Variants in NKAIN2 observed in about 807,000 individuals in gnomAD.
The protein encoded by NKAIN2 is sodium/potassium-transporting ATPase subunit beta-1-interacting protein 2.
A neutral mutation model predicts 32.6 loss-of-function variants in NKAIN2; 14 were observed. That is an observed-to-expected ratio of 0.43 (90% CI 0.28 to 0.67). The LOEUF is 0.67. Among genes scored for constraint, NKAIN2 ranks in the 30% least tolerant of loss-of-function variants. The pLI is 0.17. For synonymous variants in NKAIN2, 80 were observed against 87.2 expected, an observed-to-expected ratio of 0.92 and a Z score of 0.46; for missense variants, 198 against 258.3, an observed-to-expected ratio of 0.77 and a Z score of 1.60.
intron 1 of NKAIN2, among the ~76,000 whole-genome samples, chr6:123,884,828 A>G (rs781118519): frequency 3.3e-5 from 5 of 152,082 alleles, no homozygotes; most frequent in Non-Finnish European, 5.9e-5. Flanking sequence ...CTAGATTACT[A>G]TTTCAGCTGA....
intron 3 of NKAIN2, among the ~76,000 whole-genome samples, chr6:124,485,545 T>C (rs575942984): frequency 6.6e-6 from 1 of 152,238 alleles, no homozygotes; most frequent in African/African-American, 2.4e-5. Context: ...TGTTTTATTA[T>C]ATAAAATATA....
At chr6:124,004,037 A>G (rs1054731800) in intron 1 of NKAIN2, among the ~76,000 whole-genome samples, 1 of 152,214 alleles carries the variant, frequency 6.6e-6, no homozygotes, top group African/African-American at 2.4e-5. Flanking sequence ...ATTTGTCTGG[A>G]CTAAAATATC....
Position 124,712,466 on chromosome 6 carries a change from C to G in NKAIN2, c.474+54080C>G, listed in dbSNP as rs9491217. Among the ~76,000 whole-genome samples, 4 of 92,370 alleles carry G rather than the reference C, an allele frequency of 4.3e-5. 1 individual carries two copies. The highest frequency in any genetic ancestry group is 9.5e-5 in the African/African-American group (2 of 21,114). The allele number at this position is 92,370 out of a possible 152,430, so 60.6% of individuals were successfully genotyped here. A position where few individuals can be genotyped will look rare whatever the true frequency, so the allele number is the denominator to read the frequency against. On this transcript the variant is annotated intron_variant, in intron 4 of 6. Transcript: ENST00000368417. ...CTCAGACTGCTGTGCTAGCAATCAG[C>G]GAGACTCCGTGGGCGTAGGACCCTC...
chr6:124,067,524 T>C (rs1490300993), intron 1 of NKAIN2, among the ~76,000 whole-genome samples: 3 of 152,168 alleles, frequency 2.0e-5, no homozygotes, highest in South Asian at 2.1e-4. Context: ...AATTACCACA[T>C]TACAATAAGA....
chr6:124,358,618 G>A (rs528570540), intron 3 of NKAIN2, among the ~76,000 whole-genome samples: 14 of 151,922 alleles, frequency 9.2e-5, no homozygotes, highest in African/African-American at 2.7e-4. Flanking sequence ...CTTTTTGATG[G>A]GGTTGTTTTT....
At chr6:124,440,679 T>C (rs1402852441) in intron 3 of NKAIN2, among the ~76,000 whole-genome samples, 1 of 152,106 alleles carries the variant, frequency 6.6e-6, no homozygotes, top group Non-Finnish European at 1.5e-5. Context: ...CAATATCATT[T>C]AGCCCTTCCA....
At chr6:123,820,452 T>C (rs12207431) in intron 1 of NKAIN2, among the ~76,000 whole-genome samples, 11,830 of 152,300 alleles carry the variant, frequency 0.078, 784 homozygotes, top group African/African-American at 0.17. Context: ...GTATTATAAG[T>C]GGCCTTGATC....
intron 3 of NKAIN2, among the ~76,000 whole-genome samples, chr6:124,565,800 A>C (rs1780888725): frequency 6.6e-6 from 1 of 152,206 alleles, no homozygotes; most frequent in Non-Finnish European, 1.5e-5. Flanking sequence ...AGAAGCTTCG[A>C]TCCAAGGGAT....
At chr6:124,239,682 G>C (rs1792968476) in intron 1 of NKAIN2, among the ~76,000 whole-genome samples, 1 of 152,130 alleles carries the variant, frequency 6.6e-6, no homozygotes, top group Admixed American at 6.5e-5. Context: ...AAATAAAGAT[G>C]TTCTTTGAAA....
At chr6:124,761,211 C>A (rs1227121408) in intron 4 of NKAIN2, among the ~76,000 whole-genome samples, 1 of 152,140 alleles carries the variant, frequency 6.6e-6, no homozygotes, top group Non-Finnish European at 1.5e-5. Flanking sequence ...ATAGTATGTG[C>A]TATATTATCA....
intron 1 of NKAIN2, among the ~76,000 whole-genome samples, chr6:123,924,129 C>A (rs2114500409): frequency 6.6e-6 from 1 of 152,094 alleles, no homozygotes; most frequent in Non-Finnish European, 1.5e-5. Flanking sequence ...ATTTTCTATT[C>A]TTTTCAGTTG....
intron 1 of NKAIN2, among the ~76,000 whole-genome samples, chr6:124,101,354 T>A (rs138047964): frequency 1.3e-5 from 2 of 152,216 alleles, no homozygotes; most frequent in African/African-American, 4.8e-5. Context: ...TAGGCTGTAT[T>A]GGTCACCATT....
intron 3 of NKAIN2, among the ~76,000 whole-genome samples, chr6:124,626,209 T>C (rs1487527069): frequency 6.6e-6 from 1 of 151,160 alleles, no homozygotes; most frequent in South Asian, 2.1e-4. Flanking sequence ...AAGGAGGAAG[T>C]AATTGCCATG....
intron 1 of NKAIN2, among the ~76,000 whole-genome samples, chr6:124,223,132 C>T (rs778287487): frequency 1.4e-4 from 20 of 143,758 alleles, no homozygotes; most frequent in Non-Finnish European, 3.0e-4. Context: ...AGAATCATTT[C>T]GACCCGGGAG....
chr6:124,552,619 T>C (rs1005038825), intron 3 of NKAIN2, among the ~76,000 whole-genome samples: 1 of 152,224 alleles, frequency 6.6e-6, no homozygotes, highest in African/African-American at 2.4e-5. Context: ...ACACAGCTAG[T>C]GTAGCCAAGC....
intron 1 of NKAIN2, among the ~76,000 whole-genome samples, chr6:123,833,691 C>CTGTGTGTGTGTG (rs59906355): frequency 0.014 from 1,767 of 129,504 alleles, 32 homozygotes; most frequent in African/African-American, 0.036. Flanking sequence ...ATTTTTTTTC[C>CTGTGTGTGTGTG]TGTGTGTGTG....
intron 1 of NKAIN2, among the ~76,000 whole-genome samples, chr6:123,929,325 A>G (rs1482763962): frequency 2.6e-5 from 4 of 152,124 alleles, no homozygotes; most frequent in Admixed American, 2.6e-4. Context: ...GTCCTGGGAT[A>G]AATACTCAAC....
At chr6:124,164,003 C>T (rs1386273224) in intron 1 of NKAIN2, among the ~76,000 whole-genome samples, 2 of 151,888 alleles carry the variant, frequency 1.3e-5, no homozygotes, top group African/African-American at 2.4e-5. Flanking sequence ...TCCTTGACTG[C>T]TCAGTCACCA....
chr6:124,165,160 T>C (rs553401599), intron 1 of NKAIN2, among the ~76,000 whole-genome samples: 1 of 152,244 alleles, frequency 6.6e-6, no homozygotes, highest in South Asian at 2.1e-4. Context: ...TTGGTATTGG[T>C]GAAAAGCATT....
Sources: gnomAD v4.1 joint callset for allele counts (sites outside exome capture counted in the v4.1 genomes callset) on GRCh38, gnomAD v4.1.1 for gene constraint, MANE v1.5 for transcripts, NCBI Gene and HGNC (gene_info 2026-07-23, HGNC 2026-07-21) for gene names.